The following TSNARE1 variants were observed in gnomAD, a reference collection of about 807,000 sequenced individuals.
The protein encoded by TSNARE1 is t-SNARE domain-containing protein 1.
Under a neutral mutation model 62.0 loss-of-function variants are expected in TSNARE1, and 49 were observed. That is an observed-to-expected ratio of 0.79 (90% CI 0.63 to 1.00). The LOEUF (loss-of-function observed/expected upper bound fraction) is 1.00, where lower values mean the gene tolerates loss of function less well. TSNARE1 is among the 50% of genes least tolerant of loss of function. The probability of loss-of-function intolerance (pLI) is 0.00; values close to 1 mark genes in which losing one functional copy is unlikely to be tolerated. For synonymous variants in TSNARE1, 328 were observed against 294.4 expected, an observed-to-expected ratio of 1.11 and a Z score of -1.17; for missense variants, 755 against 700.1, an observed-to-expected ratio of 1.08 and a Z score of -0.88.
intron 12 of TSNARE1, chr8:142,272,766 G>A (rs1422621032): frequency 2.1e-6 from 2 of 975,546 alleles, no homozygotes; most frequent in African/African-American, 1.8e-5. Flanking sequence ...ATTCTACGCA[G>A]AGGCGACTTC....
intron 12 of TSNARE1, among the ~76,000 whole-genome samples, chr8:142,232,968 C>T (rs1563765158): frequency 6.6e-6 from 1 of 152,220 alleles, no homozygotes; most frequent in Non-Finnish European, 1.5e-5. Flanking sequence ...CAACCTTGAC[C>T]TGGGGCTCAC....
At chr8:142,313,108 C>T (rs979402783) in intron 9 of TSNARE1, among the ~76,000 whole-genome samples, 9 of 151,618 alleles carry the variant, frequency 5.9e-5, no homozygotes, top group African/African-American at 2.2e-4. Flanking sequence ...GTCTGCGTGA[C>T]TGTTTATCCG....
rs915229573 is a variant in TSNARE1, at chr8:142,403,149, C to A, written c.-85G>T. 1 of 148,484 alleles carries A rather than the reference C, an allele frequency of 6.7e-6. No individual in the cohort carries two copies. Among genetic ancestry groups the A allele is most frequent in the Non-Finnish European group, 1.5e-5 (1 of 66,334 alleles). 9.2% of individuals were successfully genotyped at this position (148,484 alleles called of 1,614,324 possible). A position where few individuals can be genotyped will look rare whatever the true frequency, so the allele number is the denominator to read the frequency against. ...GACCGCTCCGGGCGCTCACGGCGGG[C>A]GAGGCGGGCGGGGCGGGCACCCAAA... On this transcript the variant is annotated 5_prime_UTR_variant, in exon 1 of 14. Coordinates refer to ENST00000524325, the MANE Select transcript of TSNARE1 (RefSeq NM_145003.5).
chr8:142,236,102 C>T (rs934238882), intron 12 of TSNARE1, among the ~76,000 whole-genome samples: 1 of 152,178 alleles, frequency 6.6e-6, no homozygotes, highest in African/African-American at 2.4e-5. Context: ...GAGGCTCTGC[C>T]CATTCGAGGC....
At chr8:142,239,755 A>T (rs1261851127) in intron 12 of TSNARE1, among the ~76,000 whole-genome samples, 1 of 152,078 alleles carries the variant, frequency 6.6e-6, no homozygotes, top group African/African-American at 2.4e-5. Context: ...ACCACTTCTG[A>T]GGGTGTGTGG....
intron 13 of TSNARE1, among the ~76,000 whole-genome samples, chr8:142,215,394 G>A (rs1815783393): frequency 6.6e-6 from 1 of 152,162 alleles, no homozygotes; most frequent in African/African-American, 2.4e-5. Context: ...CAGCAATGGT[G>A]GTCAGGGAGC....
chr8:142,240,957 C>A (rs935473246), intron 12 of TSNARE1, among the ~76,000 whole-genome samples: 18 of 152,202 alleles, frequency 1.2e-4, no homozygotes, highest in Non-Finnish European at 2.4e-4. Flanking sequence ...AGATCAGGAA[C>A]AAGACAAGGG....
rs1837175023 is a variant in TSNARE1, at chr8:142,387,274, T to C, written c.-40+15830A>G. Among the ~76,000 whole-genome samples the C allele has an allele frequency of 2.6e-5, 4 of 152,128 alleles. No individual in the cohort carries two copies. The South Asian group carries it at 8.3e-4, about 31-fold the overall frequency. On this transcript the variant is annotated intron_variant, in intron 1 of 13. Coordinates refer to ENST00000524325, the MANE Select transcript of TSNARE1 (RefSeq NM_145003.5). ...CTAAACAGCAATGATAAGGAAAATATGTCTCATCAAAACTTAGGCATCAGC... is the reference window on the plus strand; with the variant it reads ...CTAAACAGCAATGATAAGGAAAATACGTCTCATCAAAACTTAGGCATCAGC...
At chr8:142,218,508 C>T (rs1255515779) in intron 13 of TSNARE1, among the ~76,000 whole-genome samples, 1 of 152,214 alleles carries the variant, frequency 6.6e-6, no homozygotes, top group Non-Finnish European at 1.5e-5. Context: ...GTCCCTCAGA[C>T]ATGTCCCCCT....
intron 12 of TSNARE1, among the ~76,000 whole-genome samples, chr8:142,229,826 A>T (rs1044742787): frequency 6.6e-6 from 1 of 152,176 alleles, no homozygotes; most frequent in African/African-American, 2.4e-5. Context: ...ACTCAACTTA[A>T]GCTCCAGAGT....
intron 1 of TSNARE1, among the ~76,000 whole-genome samples, chr8:142,374,572 C>G (rs543708305): frequency 6.8e-6 from 1 of 147,842 alleles, no homozygotes; most frequent in East Asian, 2.1e-4. Flanking sequence ...CCAGGCTACT[C>G]GGGAAGCTGA....
At chr8:142,221,937 TCACTCACTCACTCATC>T (rs1443176002) in intron 13 of TSNARE1, among the ~76,000 whole-genome samples, 25 of 134,610 alleles carry the variant, frequency 1.9e-4, no homozygotes, top group African/African-American at 6.4e-4. Flanking sequence ...ATCCACTCAT[TCACTCACTCACTCATC>T]CACTCACTCA....
intron 11 of TSNARE1, among the ~76,000 whole-genome samples, chr8:142,279,290 G>A (rs1292042863): frequency 2.0e-5 from 3 of 152,218 alleles, no homozygotes; most frequent in South Asian, 4.1e-4. Flanking sequence ...AGGCCAGGCC[G>A]GGACCCGGGG....
intron 1 of TSNARE1, among the ~76,000 whole-genome samples, chr8:142,393,200 T>A (rs1837666397): frequency 6.6e-6 from 1 of 152,108 alleles, no homozygotes; most frequent in Non-Finnish European, 1.5e-5. Context: ...CTGAGAACCA[T>A]CCGGGGAACG....
At chr8:142,354,166 C>T (rs979313611) in intron 2 of TSNARE1, among the ~76,000 whole-genome samples, 2 of 152,154 alleles carry the variant, frequency 1.3e-5, no homozygotes, top group African/African-American at 4.8e-5. Context: ...CGGCTCGACG[C>T]TCTGAAACAC....
At chr8:142,223,064 TTA>T (rs1816514122) in intron 13 of TSNARE1, among the ~76,000 whole-genome samples, 1 of 148,796 alleles carries the variant, frequency 6.7e-6, no homozygotes, top group Non-Finnish European at 1.5e-5. Context: ...ACTCATTCAC[TTA>T]CTCGCTCATA....
At chr8:142,277,592 C>T in intron 11 of TSNARE1, 1 of 985,446 alleles carries the variant, frequency 1.0e-6, no homozygotes, top group African/African-American at 1.7e-5. Context: ...GCCTCTGCGC[C>T]CACAAGAGGA....
At chr8:142,246,328 T>C (rs569134940) in intron 12 of TSNARE1, among the ~76,000 whole-genome samples, 1 of 152,240 alleles carries the variant, frequency 6.6e-6, no homozygotes, top group East Asian at 1.9e-4. Context: ...AGGTCCCCTC[T>C]TCCAAGTTAC....
At chr8:142,315,349 C>T (rs1052768583) in intron 7 of TSNARE1, among the ~76,000 whole-genome samples, 1 of 152,216 alleles carries the variant, frequency 6.6e-6, no homozygotes, top group African/African-American at 2.4e-5. Flanking sequence ...CACATAAACC[C>T]GGCCCCACAC....
Sources: allele counts gnomAD v4.1 joint callset (sites outside exome capture counted in the v4.1 genomes callset), GRCh38; gene constraint gnomAD v4.1.1; transcripts MANE v1.5; gene names NCBI Gene and HGNC (gene_info 2026-07-23, HGNC 2026-07-21).